IKZF3: variants seen among roughly 807,000 people sequenced by gnomAD.
The protein encoded by IKZF3 is zinc finger protein Aiolos.
Under a neutral mutation model 49.0 loss-of-function variants are expected in IKZF3, and 10 were observed. The ratio of observed to expected loss-of-function variants is 0.20; its 90% CI spans 0.13 to 0.35. The LOEUF (loss-of-function observed/expected upper bound fraction) is 0.35. Ranked by LOEUF, IKZF3 falls within the 10% of genes least tolerant of loss-of-function variation. The pLI is 1.00. For synonymous variants in IKZF3, 209 were observed against 228.2 expected (o/e 0.92, Z 0.76); for missense variants, 498 against 664.8 (o/e 0.75, Z 2.76).
intron 4 of IKZF3, among the ~76,000 whole-genome samples, 159 bp from the exon 5 acceptor site, chr17:39,791,742 A>T (rs1323246735): frequency 6.6e-6 from 1 of 152,228 alleles, no homozygotes; most frequent in East Asian, 1.9e-4. Flanking sequence ...AGACTTACTT[A>T]TGAAATCTCC....
At chr17:39,852,570 T>C (rs532951717) in intron 1 of IKZF3, among the ~76,000 whole-genome samples, 2 of 152,308 alleles carry the variant, frequency 1.3e-5, no homozygotes, top group African/African-American at 4.8e-5. Context: ...TCTCTTTTGC[T>C]GGCTTCTCCT....
intron 3 of IKZF3, among the ~76,000 whole-genome samples, chr17:39,800,028 C>A (rs986888386): frequency 2.0e-5 from 3 of 152,156 alleles, no homozygotes; most frequent in African/African-American, 7.2e-5. Context: ...GCCCTGATTT[C>A]AGTTGTCAGT....
chr17:39,794,514 T>C (rs1184698205), intron 3 of IKZF3, among the ~76,000 whole-genome samples: 2 of 152,206 alleles, frequency 1.3e-5, no homozygotes, highest in Non-Finnish European at 2.9e-5. Flanking sequence ...ATATTAACTG[T>C]GTTTGCTTAA....
intron 1 of IKZF3, chr17:39,835,561 G>C (rs894776675): frequency 3.4e-5 from 15 of 435,568 alleles, no homozygotes; most frequent in African/African-American, 2.9e-4. Context: ...TTGATCTGGT[G>C]CATGCTGTCA....
intron 6 of IKZF3, among the ~76,000 whole-genome samples, chr17:39,787,627 A>C (rs1395119764): frequency 5.3e-5 from 8 of 152,204 alleles, no homozygotes; most frequent in Non-Finnish European, 4.4e-5. Context: ...CACCACCTCT[A>C]CCACTAACAA....
At chr17:39,822,407 T>C (rs2061834111) in intron 3 of IKZF3, among the ~76,000 whole-genome samples, 1 of 152,050 alleles carries the variant, frequency 6.6e-6, no homozygotes, top group Non-Finnish European at 1.5e-5. Context: ...GATCTGATGG[T>C]TTAATGAGTA....
At chr17:39,798,561 A>C (rs2061233957) in intron 3 of IKZF3, among the ~76,000 whole-genome samples, 1 of 147,862 alleles carries the variant, frequency 6.8e-6, no homozygotes, top group South Asian at 2.1e-4. Context: ...GCTGGAGTGC[A>C]GTGGTGCGAT....
intron 3 of IKZF3, among the ~76,000 whole-genome samples, chr17:39,823,378 G>A (rs2144222340): frequency 6.6e-6 from 1 of 152,250 alleles, no homozygotes; most frequent in Middle Eastern, 3.4e-3. Flanking sequence ...AGAGGAAGCA[G>A]GGCATAAAAG....
intron 1 of IKZF3, among the ~76,000 whole-genome samples, chr17:39,850,640 A>T (rs1307494192): frequency 1.9e-3 from 2 of 1,070 alleles, no homozygotes; most frequent in African/African-American, 3.0e-3. Context: ...ATATAGCATA[A>T]ATAACATATA....
At chr17:39,842,791 A>T (rs778079450) in intron 1 of IKZF3, among the ~76,000 whole-genome samples, 3 of 152,220 alleles carry the variant, frequency 2.0e-5, no homozygotes, top group Non-Finnish European at 4.4e-5. Flanking sequence ...AATACTTATT[A>T]ATTACAAGGT....
Position 39,759,461 on chromosome 17 carries a change from T to G in IKZF3, c.*6329A>C, listed in dbSNP as rs2060131836. On this transcript the variant is annotated 3_prime_UTR_variant, in exon 8 of 8. Coordinates refer to ENST00000346872, the MANE Select transcript of IKZF3 (RefSeq NM_012481.5). ...AAAAAGAGGAAACTTGTATCCAATT[T>G]ATTCAAACTGCAAAACCCTGTGTAT... 1 of 152,138 alleles carries G rather than the reference T, an allele frequency of 6.6e-6. No homozygotes were observed. The highest frequency in any genetic ancestry group is 2.1e-4 in the South Asian group (1 of 4,818). The allele number at this position is 152,138 out of a possible 1,614,324, so 9.4% of individuals were successfully genotyped here.
rs534022918 is a variant in IKZF3, at chr17:39,819,192, GT to G, written c.163+10194del. 9.2e-5 allele frequency among the ~76,000 whole-genome samples: 14 copies of G among 151,938 alleles called. No individual in the cohort carries two copies. The South Asian group carries it at 2.7e-3, about 29-fold the overall frequency. ...TTGTTTATGTTTGAGTATTTAATCTGTTTTTTTTACCACAAACTATCTGAAA... is the reference window on the plus strand; with the variant it reads ...TTGTTTATGTTTGAGTATTTAATCTGTTTTTTTACCACAAACTATCTGAAA... On this transcript the variant is annotated intron_variant, in intron 3 of 7. Transcript: ENST00000346872.
At chr17:39,846,409 T>C (rs1020673364) in intron 1 of IKZF3, among the ~76,000 whole-genome samples, 23 of 152,066 alleles carry the variant, frequency 1.5e-4, no homozygotes, top group Admixed American at 3.3e-4. Flanking sequence ...AATTCGTTTT[T>C]GGCTTTTTAG....
intron 1 of IKZF3, chr17:39,835,969 G>A: frequency 1.6e-6 from 1 of 636,452 alleles, no homozygotes; most frequent in Non-Finnish European, 2.9e-6. Context: ...TGCCACGGAG[G>A]TTTGTTGATG....
intron 3 of IKZF3, among the ~76,000 whole-genome samples, chr17:39,802,464 G>T (rs559603565): frequency 6.6e-6 from 1 of 151,630 alleles, no homozygotes; most frequent in East Asian, 1.9e-4. Context: ...AAAATTAGCC[G>T]GATGTGGTAG....
intron 1 of IKZF3, among the ~76,000 whole-genome samples, chr17:39,856,912 A>G (rs1047315041): frequency 5.3e-4 from 81 of 152,074 alleles, no homozygotes; most frequent in African/African-American, 1.8e-3. Flanking sequence ...AAATTTTAAT[A>G]TTTGGAAAAA....
At chr17:39,800,740 T>C (rs1315063525) in intron 3 of IKZF3, among the ~76,000 whole-genome samples, 1 of 152,168 alleles carries the variant, frequency 6.6e-6, no homozygotes, top group Admixed American at 6.5e-5. Flanking sequence ...TTTCATTTCC[T>C]GGGGTGATGG....
intron 1 of IKZF3, among the ~76,000 whole-genome samples, chr17:39,838,309 A>G (rs1480835044): frequency 6.6e-6 from 1 of 152,074 alleles, no homozygotes; most frequent in Non-Finnish European, 1.5e-5. Context: ...TCTCCCCACA[A>G]TGCTTTTTTC....
intron 1 of IKZF3, among the ~76,000 whole-genome samples, chr17:39,850,855 G>GCTCTATAGTATATATACATATATAATATA (rs1568065203): frequency 2.5e-5 from 2 of 80,628 alleles, no homozygotes; most frequent in Admixed American, 1.3e-4. Flanking sequence ...TATATAATAT[G>GCTCTATAGTATATATACATATATAATATA]CTCTATAGTA....
Sources: allele counts gnomAD v4.1 joint callset (sites outside exome capture counted in the v4.1 genomes callset), GRCh38; gene constraint gnomAD v4.1.1; transcripts MANE v1.5; gene names NCBI Gene and HGNC (gene_info 2026-07-23, HGNC 2026-07-21).